The following GRM5 variants were observed in gnomAD, a reference collection of about 807,000 sequenced individuals.
The protein encoded by GRM5 is glutamate metabotropic receptor 5, also known as metabotropic glutamate receptor 5.
In GRM5, 19 loss-of-function variants were observed where a neutral mutation model predicts 83.1. The observed-to-expected ratio is 0.23, with a 90% CI of 0.16 to 0.34. The LOEUF (loss-of-function observed/expected upper bound fraction) is 0.34. GRM5 is among the 10% of genes least tolerant of loss of function. GRM5 has a pLI of 1.00. For missense variants in GRM5, 1,160 were observed against 1,588.3 expected, an observed-to-expected ratio of 0.73 and a Z score of 4.58; for synonymous variants, 675 against 633.6, an observed-to-expected ratio of 1.07 and a Z score of -0.98.
intron 2 of GRM5, among the ~76,000 whole-genome samples, chr11:88,890,577 A>G (rs1034002708): frequency 2.6e-5 from 4 of 152,202 alleles, no homozygotes; most frequent in African/African-American, 7.2e-5. Flanking sequence ...AATAAAAATA[A>G]TCTTAAGGAT....
chr11:88,557,192 T>C (rs1942650383), intron 8 of GRM5, among the ~76,000 whole-genome samples: 1 of 152,148 alleles, frequency 6.6e-6, no homozygotes, highest in Non-Finnish European at 1.5e-5. Flanking sequence ...TTTCTTTATA[T>C]GTGGATAGGC....
chr11:89,048,380 C>T (rs1274079164), intron 1 of GRM5, among the ~76,000 whole-genome samples: 3 of 152,092 alleles, frequency 2.0e-5, no homozygotes, highest in Non-Finnish European at 4.4e-5. Flanking sequence ...GACAGAGCAT[C>T]CTAGAAGCAA....
intron 3 of GRM5, among the ~76,000 whole-genome samples, chr11:88,758,542 A>C (rs559699476): frequency 6.6e-6 from 1 of 152,290 alleles, no homozygotes; most frequent in East Asian, 1.9e-4. Context: ...AAGAATAGAG[A>C]AAAAAAAATA....
At chr11:88,739,424 A>G (rs939472330) in intron 3 of GRM5, among the ~76,000 whole-genome samples, 1 of 152,110 alleles carries the variant, frequency 6.6e-6, no homozygotes, top group East Asian at 1.9e-4. Flanking sequence ...TACTCCATAT[A>G]CTTATTGTAT....
chr11:88,894,433 G>A (rs545176302), intron 2 of GRM5, among the ~76,000 whole-genome samples: 3 of 152,018 alleles, frequency 2.0e-5, no homozygotes, highest in Admixed American at 1.3e-4. Context: ...TTTTCCTGGC[G>A]ATTGACAACA....
chr11:88,911,023 G>A (rs867686590), intron 2 of GRM5, among the ~76,000 whole-genome samples: 8 of 152,032 alleles, frequency 5.3e-5, no homozygotes, highest in Non-Finnish European at 8.8e-5. Context: ...AATAACAAGC[G>A]AATGCGTCCA....
intron 3 of GRM5, among the ~76,000 whole-genome samples, chr11:88,726,541 A>G (rs146829179): frequency 2.0e-5 from 3 of 152,152 alleles, no homozygotes; most frequent in Admixed American, 2.0e-4. Flanking sequence ...ATACAAAAAC[A>G]CCACAAAGAT....
At chr11:88,959,988 A>G (rs1938734386) in intron 2 of GRM5, among the ~76,000 whole-genome samples, 1 of 152,220 alleles carries the variant, frequency 6.6e-6, no homozygotes, top group Admixed American at 6.5e-5. Flanking sequence ...ATCGCTGATA[A>G]GATGACATTT....
At position 88,506,305 on chromosome 11, in the gene GRM5, G is replaced by A. The variant is rs531901509; in HGVS notation, c.*2287C>T. 1.3e-5 allele frequency: 2 copies of A among 152,170 alleles called. No individual in the cohort carries two copies. Among genetic ancestry groups the A allele is most frequent in the East Asian group, 1.9e-4 (1 of 5,188 alleles). 9.4% of individuals were successfully genotyped at this position (152,170 alleles called of 1,614,324 possible). On this transcript the variant is annotated 3_prime_UTR_variant, in exon 10 of 10. Transcript: ENST00000305447. ...TTCTTCAACTGGTCTAGAGTGAAAC[G>A]TATTGTACTTGAGAATAAAATGAAA...
At chr11:89,023,884 AAT>A (rs1565340056) in intron 2 of GRM5, among the ~76,000 whole-genome samples, 3 of 105,870 alleles carry the variant, frequency 2.8e-5, no homozygotes, top group African/African-American at 6.4e-5. Flanking sequence ...TAAATAAATA[AAT>A]AAATAAATAA....
chr11:88,789,649 A>T (rs1943135870), intron 3 of GRM5, among the ~76,000 whole-genome samples: 1 of 152,166 alleles, frequency 6.6e-6, no homozygotes, highest in African/African-American at 2.4e-5. Context: ...TAAAAATGCA[A>T]AGGAAATTTT....
intron 3 of GRM5, among the ~76,000 whole-genome samples, chr11:88,655,573 T>C (rs1246563473): frequency 6.6e-6 from 1 of 152,100 alleles, no homozygotes; most frequent in Non-Finnish European, 1.5e-5. Flanking sequence ...TTGTAAAAAG[T>C]TTGTCTTGAT....
At chr11:88,879,017 A>T (rs1478875195) in intron 2 of GRM5, among the ~76,000 whole-genome samples, 1 of 152,146 alleles carries the variant, frequency 6.6e-6, no homozygotes, top group African/African-American at 2.4e-5. Context: ...AAATGTGTAT[A>T]TTTGTCAAAA....
chr11:88,999,532 A>C (rs1357068741), intron 2 of GRM5, among the ~76,000 whole-genome samples: 3 of 152,178 alleles, frequency 2.0e-5, no homozygotes, highest in African/African-American at 7.2e-5. Context: ...TGAAAACCAC[A>C]ATGAGATACC....
At chr11:88,642,484 TTA>T (rs1481013048) in intron 4 of GRM5, among the ~76,000 whole-genome samples, 1 of 152,162 alleles carries the variant, frequency 6.6e-6, no homozygotes, top group Non-Finnish European at 1.5e-5. Flanking sequence ...CTGCTTCAAT[TTA>T]TCACCTGAAA....
chr11:88,938,040 T>C (rs1176278057), intron 2 of GRM5, among the ~76,000 whole-genome samples: 1 of 151,736 alleles, frequency 6.6e-6, no homozygotes, highest in Non-Finnish European at 1.5e-5. Flanking sequence ...TAAGATTAGA[T>C]CTTAAATATT....
intron 1 of GRM5, among the ~76,000 whole-genome samples, chr11:89,056,389 G>T (rs1327830760): frequency 1.3e-5 from 2 of 152,036 alleles, no homozygotes; most frequent in African/African-American, 4.8e-5. Context: ...CCTGTGCAAC[G>T]TCACCACAAG....
intron 8 of GRM5, among the ~76,000 whole-genome samples, chr11:88,528,488 A>C (rs1454107195): frequency 6.6e-6 from 1 of 151,856 alleles, no homozygotes; most frequent in Non-Finnish European, 1.5e-5. Context: ...AAAACTCAAC[A>C]TTTTTTTCCA....
intron 5 of GRM5, among the ~76,000 whole-genome samples, chr11:88,600,801 T>C (rs1306671339): frequency 6.6e-6 from 1 of 152,198 alleles, no homozygotes; most frequent in Non-Finnish European, 1.5e-5. Context: ...ATTACTTTTA[T>C]GTGGGTCCTA....
Sources: allele counts gnomAD v4.1 joint callset (sites outside exome capture counted in the v4.1 genomes callset), GRCh38; gene constraint gnomAD v4.1.1; transcripts MANE v1.5; gene names NCBI Gene and HGNC (gene_info 2026-07-23, HGNC 2026-07-21).